AGBL1: variants seen among roughly 807,000 people sequenced by gnomAD.
The protein encoded by AGBL1 is AGBL carboxypeptidase 1, also known as cytosolic carboxypeptidase 4.
In AGBL1, 130 loss-of-function variants were observed where a neutral mutation model predicts 118.9. The ratio of observed to expected loss-of-function variants is 1.09; its 90% CI spans 0.95 to 1.26. The LOEUF is 1.26. Among genes scored for constraint, AGBL1 ranks in the 50% most tolerant of loss-of-function variants. The probability of loss-of-function intolerance (pLI) is 0.00; values close to 1 mark genes in which losing one functional copy is unlikely to be tolerated. For missense variants in AGBL1, 1,584 were observed against 1,298.1 expected (o/e 1.22, Z -3.38); for synonymous variants, 555 against 478.9 (o/e 1.16, Z -2.08).
chr15:86,381,190 A>G (rs2081109394), intron 17 of AGBL1, among the ~76,000 whole-genome samples: 1 of 152,134 alleles, frequency 6.6e-6, no homozygotes, highest in Non-Finnish European at 1.5e-5. Flanking sequence ...TTGGCTATGG[A>G]TGATATTTAA....
intron 8 of AGBL1, 73 bp downstream of exon 8, chr15:86,257,091 T>C: frequency 6.9e-7 from 1 of 1,447,146 alleles, no homozygotes; most frequent in Non-Finnish European, 9.4e-7. Context: ...GGAACATGGG[T>C]GAAAATAGAA....
At chr15:86,327,433 C>G (rs1260197934) in intron 17 of AGBL1, among the ~76,000 whole-genome samples, 1 of 152,192 alleles carries the variant, frequency 6.6e-6, no homozygotes, top group Non-Finnish European at 1.5e-5. Context: ...CTGACTCATT[C>G]TCTGACAGTA....
chr15:86,275,447 C>A lies in AGBL1; in HGVS notation c.2075+3741C>A, dbSNP rs549883116. On this transcript the variant is annotated intron_variant, in intron 15 of 22. Coordinates refer to ENST00000614907, the MANE Select transcript of AGBL1 (RefSeq NM_001386094.1). ...AGATCCTGTTAAATGAAATGATACACCCTTGTTAAACAGAGCCATTGTCAT... is the reference window on the plus strand; with the variant it reads ...AGATCCTGTTAAATGAAATGATACAACCTTGTTAAACAGAGCCATTGTCAT... Among the ~76,000 whole-genome samples the A allele has an allele frequency of 3.3e-5, 5 of 152,264 alleles. No homozygotes were observed. In the East Asian group the frequency reaches 9.6e-4, roughly 29 times the overall value.
chr15:86,329,212 C>T (rs1302166092), intron 17 of AGBL1, among the ~76,000 whole-genome samples: 2 of 152,136 alleles, frequency 1.3e-5, no homozygotes, highest in African/African-American at 2.4e-5. Flanking sequence ...CCAGCAGATC[C>T]CTCTCCACTT....
intron 21 of AGBL1, among the ~76,000 whole-genome samples, chr15:86,642,754 G>A (rs2085213623): frequency 6.6e-6 from 1 of 152,004 alleles, no homozygotes; most frequent in Admixed American, 6.6e-5. Context: ...TCACATCTAT[G>A]TTCGCAATTT....
chr15:86,981,854 T>C (rs559941973), intron 23 of AGBL1, among the ~76,000 whole-genome samples: 42 of 152,330 alleles, frequency 2.8e-4, no homozygotes, highest in African/African-American at 1.0e-3. Context: ...GAGATGATTA[T>C]GGCACAAGAG....
At chr15:86,566,329 C>G (rs1312040701) in intron 21 of AGBL1, among the ~76,000 whole-genome samples, 1 of 152,132 alleles carries the variant, frequency 6.6e-6, no homozygotes, top group Admixed American at 6.5e-5. Flanking sequence ...CTTTTAGAAC[C>G]AATTAGGTAG....
At chr15:86,207,247 G>T (rs930908909) in intron 5 of AGBL1, among the ~76,000 whole-genome samples, 7 of 152,200 alleles carry the variant, frequency 4.6e-5, no homozygotes, top group East Asian at 1.9e-4. Flanking sequence ...GCAGCATGAT[G>T]CCTCCAGCTT....
At chr15:86,963,607 C>A (rs985222355) in intron 23 of AGBL1, among the ~76,000 whole-genome samples, 1 of 152,096 alleles carries the variant, frequency 6.6e-6, no homozygotes, top group Non-Finnish European at 1.5e-5. Flanking sequence ...GATTAAGGAT[C>A]TGGAAAAAGC....
intron 16 of AGBL1, among the ~76,000 whole-genome samples, chr15:86,291,861 G>A (rs768205983): frequency 9.2e-5 from 14 of 152,128 alleles, no homozygotes; most frequent in East Asian, 3.8e-4. Flanking sequence ...CCTGATACTC[G>A]TTATTTGATG....
intron 21 of AGBL1, among the ~76,000 whole-genome samples, chr15:86,657,400 G>A (rs184935382): frequency 5.4e-4 from 83 of 152,300 alleles, no homozygotes; most frequent in Admixed American, 2.4e-3. Flanking sequence ...TGGGAAATCA[G>A]ACTGTCAATT....
intron 1 of AGBL1, among the ~76,000 whole-genome samples, chr15:86,114,797 T>C (rs1897652771): frequency 6.6e-6 from 1 of 152,190 alleles, no homozygotes; most frequent in South Asian, 2.1e-4. Flanking sequence ...TTTGCATGCA[T>C]GGGACAATTC....
intron 22 of AGBL1, among the ~76,000 whole-genome samples, chr15:86,756,227 C>T (rs577585692): frequency 1.9e-3 from 291 of 150,616 alleles, no homozygotes; most frequent in Non-Finnish European, 3.3e-3. Context: ...CATGAAATTC[C>T]AGTAGTGCCC....
At chr15:86,949,566 CTG>C (rs761486203) in intron 23 of AGBL1, among the ~76,000 whole-genome samples, 15 of 152,008 alleles carry the variant, frequency 9.9e-5, no homozygotes, top group Middle Eastern at 3.4e-3. Flanking sequence ...AAAGTAGACT[CTG>C]AGACAAAAAA....
intron 1 of AGBL1, among the ~76,000 whole-genome samples, chr15:86,119,261 A>G (rs1597418134): frequency 6.6e-6 from 1 of 152,236 alleles, no homozygotes; most frequent in South Asian, 2.1e-4. Context: ...ATCAGACACT[A>G]AAGTGAGTCT....
chr15:86,282,140 G>A (rs1274250305), intron 16 of AGBL1, among the ~76,000 whole-genome samples: 4 of 152,104 alleles, frequency 2.6e-5, no homozygotes, highest in Admixed American at 6.5e-5. Flanking sequence ...TAAGAATACA[G>A]GGTCTAAAAT....
chr15:86,945,850 A>G (rs550546077), intron 23 of AGBL1, among the ~76,000 whole-genome samples: 1 of 152,326 alleles, frequency 6.6e-6, no homozygotes, highest in African/African-American at 2.4e-5. Flanking sequence ...GGACCTCACC[A>G]AAGTTTTTAC....
intron 21 of AGBL1, among the ~76,000 whole-genome samples, chr15:86,651,532 A>G (rs1010915572): frequency 2.0e-5 from 3 of 152,218 alleles, no homozygotes; most frequent in African/African-American, 7.2e-5. Flanking sequence ...TAAGTGATTT[A>G]GATGAGTTAT....
At chr15:86,482,933 C>G (rs2082670785) in intron 18 of AGBL1, among the ~76,000 whole-genome samples, 1 of 152,030 alleles carries the variant, frequency 6.6e-6, no homozygotes, top group African/African-American at 2.4e-5. Context: ...GAGTTACTGT[C>G]TGCAGGGGGG....
Sources: allele counts gnomAD v4.1 joint callset (sites outside exome capture counted in the v4.1 genomes callset), GRCh38; gene constraint gnomAD v4.1.1; transcripts MANE v1.5; gene names NCBI Gene and HGNC (gene_info 2026-07-23, HGNC 2026-07-21).